Variants in PTK2 observed in about 807,000 individuals in gnomAD.
PTK2 encodes protein tyrosine kinase 2.
In PTK2, 45 loss-of-function variants were observed where a neutral mutation model predicts 150.1. The ratio of observed to expected loss-of-function variants is 0.30; its 90% CI spans 0.24 to 0.38. PTK2 has a LOEUF of 0.38. Among genes scored for constraint, PTK2 ranks in the 10% least tolerant of loss-of-function variants. The pLI is 1.00. For missense variants in PTK2, 919 were observed against 1,307.3 expected, an observed-to-expected ratio of 0.70 and a Z score of 4.58; for synonymous variants, 432 against 449.2, an observed-to-expected ratio of 0.96 and a Z score of 0.48.
intron 22 of PTK2, among the ~76,000 whole-genome samples, chr8:140,734,035 T>C (rs2100051121): frequency 6.6e-6 from 1 of 152,212 alleles, no homozygotes; most frequent in South Asian, 2.1e-4. Context: ...GATGAATCCT[T>C]TGTGCTTCTA....
intron 7 of PTK2, chr8:140,833,069 CA>C: frequency 1.9e-6 from 1 of 518,698 alleles, no homozygotes; most frequent in African/African-American, 1.9e-5. Flanking sequence ...AAAGATAAAC[CA>C]AAAGTGTTGT....
intron 8 of PTK2, 80 bp from the exon 9 acceptor site, chr8:140,819,100 C>A: frequency 7.0e-7 from 1 of 1,425,292 alleles, no homozygotes; most frequent in Non-Finnish European, 9.5e-7. Context: ...AGATTTCTTT[C>A]CTACCAACTA....
At chr8:140,833,999 G>A (rs2154603184) in intron 7 of PTK2, among the ~76,000 whole-genome samples, 1 of 152,298 alleles carries the variant, frequency 6.6e-6, no homozygotes, top group Non-Finnish European at 1.5e-5. Context: ...ACTTACATTA[G>A]TTGAATTAAA....
intron 17 of PTK2, 86 bp downstream of exon 20, chr8:140,752,146 A>G: frequency 8.6e-7 from 1 of 1,159,906 alleles, no homozygotes; most frequent in South Asian, 1.3e-5. Context: ...AAGTCAAAAC[A>G]CTATTTTTCT....
intron 12 of PTK2, among the ~76,000 whole-genome samples, chr8:140,798,225 A>G (rs1453375260): frequency 6.6e-6 from 1 of 152,200 alleles, no homozygotes; most frequent in Admixed American, 6.5e-5. Flanking sequence ...AAAAATCTCA[A>G]TTAAAAAATG....
intron 1 of PTK2, among the ~76,000 whole-genome samples, chr8:140,951,630 C>G (rs2100179573): frequency 6.6e-6 from 1 of 152,152 alleles, no homozygotes; most frequent in Non-Finnish European, 1.5e-5. Context: ...TGCCTATAAT[C>G]CCAGCATTCT....
At chr8:140,976,351 CT>C (rs1317893714) in intron 1 of PTK2, among the ~76,000 whole-genome samples, 1 of 152,172 alleles carries the variant, frequency 6.6e-6, no homozygotes, top group Non-Finnish European at 1.5e-5. Flanking sequence ...CACTATTTAA[CT>C]GATAATTTTC....
At chr8:140,666,552 A>G (rs1030966137) in intron 30 of PTK2, among the ~76,000 whole-genome samples, 22 of 152,222 alleles carry the variant, frequency 1.4e-4, no homozygotes, top group African/African-American at 5.3e-4. Context: ...CTTCACATCC[A>G]TTAGGATGAC....
intron 26 of PTK2, among the ~76,000 whole-genome samples, chr8:140,689,446 T>C (rs951137727): frequency 7.2e-5 from 11 of 152,230 alleles, no homozygotes; most frequent in Non-Finnish European, 1.5e-5. Flanking sequence ...AGAGATGTGA[T>C]AACTAAATAT....
chr8:140,692,841 C>T (rs888999722), intron 26 of PTK2, among the ~76,000 whole-genome samples: 7 of 152,146 alleles, frequency 4.6e-5, no homozygotes, highest in African/African-American at 1.7e-4. Flanking sequence ...GGACAGCAGC[C>T]TGGCTTCAGA....
At chr8:140,898,225 A>C (rs1001747937) in intron 2 of PTK2, among the ~76,000 whole-genome samples, 4 of 152,254 alleles carry the variant, frequency 2.6e-5, no homozygotes, top group Admixed American at 2.6e-4. Flanking sequence ...ACATAAAATT[A>C]CTATCAAATT....
chr8:140,704,821 G>C (rs2100032751), intron 24 of PTK2, among the ~76,000 whole-genome samples: 2 of 152,134 alleles, frequency 1.3e-5, no homozygotes, highest in South Asian at 4.1e-4. Context: ...AACTGACAAA[G>C]GGCCCTGTGA....
At chr8:140,944,832 T>G (rs552471703) in intron 1 of PTK2, among the ~76,000 whole-genome samples, 10 of 152,266 alleles carry the variant, frequency 6.6e-5, no homozygotes. Context: ...AGACCACTTG[T>G]GAACCTTATT....
intron 5 of PTK2, among the ~76,000 whole-genome samples, chr8:140,860,416 G>A (rs1317975089): frequency 1.3e-5 from 2 of 152,140 alleles, no homozygotes; most frequent in Admixed American, 6.5e-5. Flanking sequence ...CAAACTGGAG[G>A]ACGTGAACAT....
chr8:140,803,266 G>A (rs745899874), intron 11 of PTK2, among the ~76,000 whole-genome samples: 2 of 151,956 alleles, frequency 1.3e-5, no homozygotes, highest in Admixed American at 1.3e-4. Context: ...CCAAAGTGCT[G>A]GGATTACAGG....
At chr8:140,904,730 GGT>G (rs1037650596) in intron 2 of PTK2, among the ~76,000 whole-genome samples, 20 of 151,946 alleles carry the variant, frequency 1.3e-4, no homozygotes, top group African/African-American at 4.6e-4. Context: ...GTCTTGGGAG[GGT>G]GTATGTGTCC....
chr8:140,689,915 C>T (rs1206223504), intron 26 of PTK2, among the ~76,000 whole-genome samples: 1 of 152,142 alleles, frequency 6.6e-6, no homozygotes, highest in Non-Finnish European at 1.5e-5. Context: ...AGGTTTGACT[C>T]TACTGTAGCA....
chr8:140,756,211 T>C (rs1015059197), intron 16 of PTK2, among the ~76,000 whole-genome samples: 7 of 150,638 alleles, frequency 4.6e-5, no homozygotes, highest in African/African-American at 1.7e-4. Flanking sequence ...TAATCCCAGC[T>C]AGTTGGGAGG....
rs556342532 is a variant in PTK2 at position 140,767,697 on chromosome 8, G to A, written c.1178-3407C>T. On this transcript the variant is annotated intron_variant, in intron 14 of 31. Coordinates refer to ENST00000522684, the Ensembl canonical transcript of PTK2. ...GATGAGGTTTTGCCATGTTGCCCAC[G>A]CTGGTCTCAAACTCCTGGACTCAAG... 3.3e-5 allele frequency among the ~76,000 whole-genome samples: 5 copies of A among 152,182 alleles called. No homozygotes were observed. In the South Asian group the frequency reaches 6.2e-4, roughly 19 times the overall value.
Sources: gnomAD v4.1 joint callset for allele counts (sites outside exome capture counted in the v4.1 genomes callset) on GRCh38, gnomAD v4.1.1 for gene constraint, MANE v1.5 for transcripts, NCBI Gene and HGNC (gene_info 2026-07-23, HGNC 2026-07-21) for gene names.